GATM: variants seen among roughly 807,000 people sequenced by gnomAD.
The protein encoded by GATM is glycine amidinotransferase, mitochondrial.
A neutral mutation model predicts 54.2 loss-of-function variants in GATM; 23 were observed. The observed-to-expected ratio is 0.42, with a 90% CI of 0.31 to 0.60. The LOEUF (loss-of-function observed/expected upper bound fraction) is 0.60. Among genes scored for constraint, GATM ranks in the 20% least tolerant of loss-of-function variants. GATM has a pLI of 0.14. For missense variants in GATM, 401 were observed against 544.9 expected (o/e 0.74, Z 2.63); for synonymous variants, 168 against 183.1 (o/e 0.92, Z 0.67).
intron 8 of GATM, among the ~76,000 whole-genome samples, chr15:45,362,495 A>G (rs1320747380): frequency 6.6e-6 from 1 of 152,250 alleles, no homozygotes; most frequent in Non-Finnish European, 1.5e-5. Flanking sequence ...CCAAATGTTC[A>G]AAATGGTCAA....
intron 2 of GATM, 31 bp from the exon 3 acceptor site, chr15:45,369,552 T>C: frequency 6.3e-7 from 1 of 1,592,290 alleles, no homozygotes; most frequent in Non-Finnish European, 8.6e-7. Context: ...ACACAATACT[T>C]ACAGGAGAAA....
chr15:45,364,247 G>C, intron 7 of GATM: 1 of 525,000 alleles, frequency 1.9e-6, no homozygotes, highest in South Asian at 2.1e-5. Flanking sequence ...ATCTTGGCTG[G>C]GCATGGTATA....
chr15:45,371,460 A>G (rs1889543071), intron 2 of GATM, among the ~76,000 whole-genome samples: 1 of 152,236 alleles, frequency 6.6e-6, no homozygotes. Context: ...ACCATAAATC[A>G]GATAATTTCA....
rs545962590 is a variant in GATM, at chr15:45,365,641, G to A, written c.978+405C>T. Among the ~76,000 whole-genome samples the A allele has an allele frequency of 4.6e-5, 7 of 152,330 alleles. No homozygotes were observed. The South Asian group carries it at 1.5e-3, about 32-fold the overall frequency. On this transcript the variant is annotated intron_variant, in intron 6 of 8. Transcript: ENST00000396659. The stretch of plus-strand genomic sequence containing the variant: ...ACAGAGCAGGGTTGGCCAAAGGGAG[G>A]CTACCCCACTGTAGAGGGAATACAA...
chr15:45,397,423 T>C (rs1889947564), intron 2 of GATM: 1 of 152,124 alleles, frequency 6.6e-6, no homozygotes, highest in Admixed American at 6.5e-5. Flanking sequence ...TAATTGATCA[T>C]GCCTACGTGA....
At position 45,362,255 on chromosome 15, in the gene GATM, G is replaced by A. The variant is rs768206439; in HGVS notation, c.1160-34C>T. On this transcript the variant is annotated intron_variant, in intron 8 of 8. Transcript: ENST00000396659. ...AAAGAGAGATGAGGTCAGTTAGATG[G>A]ACTAACATGACGATTCTCATAGAGA... The A allele has an allele frequency of 1.0e-5, 13 of 1,242,352 alleles. No individual in the cohort carries two copies. The African/African-American group carries it at 1.2e-4, about 11-fold the overall frequency. 77.0% of individuals were successfully genotyped at this position (1,242,352 alleles called of 1,614,324 possible).
rs1889475741 is a variant in GATM, at chr15:45,368,007, T to C, written c.675+63A>G. The C allele has an allele frequency of 1.4e-6, 2 of 1,422,330 alleles. No homozygotes were observed. Among genetic ancestry groups the C allele is most frequent in the African/African-American group, 1.4e-5 (1 of 71,150 alleles). 88.1% of individuals were successfully genotyped at this position (1,422,330 alleles called of 1,614,324 possible). A position where few individuals can be genotyped will look rare whatever the true frequency, so the allele number is the denominator to read the frequency against. ...TATACAAGGTATCAGAGAATCTCTA[T>C]CTTACTCTTTGTGGATCATTTAGAA... On this transcript the variant is annotated intron_variant, in intron 4 of 8. Coordinates refer to ENST00000396659, the MANE Select transcript of GATM (RefSeq NM_001482.3). The surrounding 1 kb of genome is among the most constrained non-coding windows in gnomAD (Gnocchi z 5.1).
At chr15:45,399,781 G>C (rs536441334) in intron 1 of GATM, among the ~76,000 whole-genome samples, 1 of 152,320 alleles carries the variant, frequency 6.6e-6, no homozygotes. Flanking sequence ...CAATCCTGTA[G>C]CCTTCAGGCT....
intron 3 of GATM, among the ~76,000 whole-genome samples, chr15:45,386,604 T>C (rs1483103654): frequency 6.6e-6 from 1 of 152,248 alleles, no homozygotes; most frequent in Non-Finnish European, 1.5e-5. Flanking sequence ...CCTATCTCTC[T>C]GTTGTGCACT....
intron 1 of GATM, among the ~76,000 whole-genome samples, chr15:45,401,614 A>G (rs1446424583): frequency 1.3e-5 from 2 of 152,234 alleles, no homozygotes; most frequent in African/African-American, 4.8e-5. Flanking sequence ...GTAGATAGGT[A>G]TCGCCTCTAA....
intron 6 of GATM, among the ~76,000 whole-genome samples, chr15:45,365,747 T>C (rs956014419): frequency 1.3e-5 from 2 of 152,190 alleles, no homozygotes; most frequent in Non-Finnish European, 2.9e-5. Context: ...TGTTGCAAGT[T>C]ATAACACCAT....
chr15:45,373,918 C>A (rs972399497), intron 2 of GATM, among the ~76,000 whole-genome samples: 1 of 152,094 alleles, frequency 6.6e-6, no homozygotes, highest in Admixed American at 6.6e-5. Flanking sequence ...AAGAACCAGA[C>A]GAATGAAATC....
rs371447931 is a variant in GATM, at chr15:45,366,179, C to T, written c.845G>A (p.Arg282His). 9.9e-6 allele frequency: 16 copies of T among 1,613,782 alleles called. No homozygotes were observed. Among genetic ancestry groups the T allele is most frequent in the Admixed American group, 3.3e-5 (2 of 59,984 alleles). ...VTNYLGIEWMRRHLAPDYRVH... is the reference protein window; with the variant it reads ...VTNYLGIEWMHRHLAPDYRVH... ...TCTGTAGTCTGGAGCAAGATGCCTA[C>T]GCATCCATTCAATGCCTAGGTAGTT... is the stretch of plus-strand genomic sequence containing the variant. The change falls in exon 6 of 9, where the codon CGT (arginine) becomes CAT (histidine). Residue 282 changes from arginine (R) to histidine (H), a missense_variant. Around this residue, in one of 3 missense-constraint regions of GATM, gnomAD observed 321 missense variants for 457.5 expected, o/e 0.70. Coordinates refer to ENST00000396659, the MANE Select transcript of GATM (RefSeq NM_001482.3).
chr15:45,389,328 T>A (rs1889841703), intron 3 of GATM, among the ~76,000 whole-genome samples: 1 of 152,268 alleles, frequency 6.6e-6, no homozygotes. Flanking sequence ...ACGGTTGAAC[T>A]TGATGACCTC....
rs1237642686 is a variant in GATM, at chr15:45,378,489, C to G, written c.-36G>C. On this transcript the variant is annotated 5_prime_UTR_variant, in exon 1 of 9. Transcript: ENST00000396659. ...CGGCTGGTCCACGCGCGGAATGTTC[C>G]TGGCCTCTGGGCCGCGTCGGTCCAA... 4 of 1,388,476 alleles carry G rather than the reference C, an allele frequency of 2.9e-6. No individual in the cohort carries two copies. In the Admixed American group the frequency reaches 9.9e-5, roughly 34 times the overall value. The allele number at this position is 1,388,476 out of a possible 1,614,324, so 86.0% of individuals were successfully genotyped here.
At chr15:45,366,259 C>G in intron 5 of GATM, 49 bp from the exon 6 acceptor site, 1 of 1,610,534 alleles carries the variant, frequency 6.2e-7, no homozygotes, top group Admixed American at 1.7e-5. Flanking sequence ...GGTTCTATGT[C>G]TAGAAAACTA....
In GATM at chr15:45,368,649, C is replaced by CT. The variant is rs369226772; in HGVS notation, c.485-390dup. On this transcript the variant is annotated intron_variant, in intron 3 of 8. Coordinates refer to ENST00000396659, the MANE Select transcript of GATM (RefSeq NM_001482.3). The surrounding 1 kb of genome is among the most constrained non-coding windows in gnomAD (Gnocchi z 5.1). Reference sequence around the variant, plus strand: ...AAAAAATGTCTATATAATATTACCTCTTTTTTTGGTTAAAAAAATTGCTAG... The same window carrying CT: ...AAAAAATGTCTATATAATATTACCTCTTTTTTTTGGTTAAAAAAATTGCTAG... Among the ~76,000 whole-genome samples the CT allele has an allele frequency of 6.6e-6, 1 of 151,268 alleles. No individual in the cohort carries two copies. The highest frequency in any genetic ancestry group is 1.9e-4 in the East Asian group (1 of 5,166).
intron 3 of GATM, among the ~76,000 whole-genome samples, chr15:45,389,251 A>C (rs1404940901): frequency 2.0e-5 from 3 of 152,238 alleles, no homozygotes; most frequent in African/African-American, 7.2e-5. Context: ...CTTGAACAGA[A>C]TATCCTGAAC....
rs1889642821 is a variant in GATM, at chr15:45,376,714, G to A, written c.175C>T (p.Pro59Ser). 6.2e-7 allele frequency: 1 copy of A among 1,614,196 alleles called. No homozygotes were observed. Among genetic ancestry groups the A allele is most frequent in the South Asian group, 1.1e-5 (1 of 91,072 alleles). The change falls in exon 2 of 9, where the codon CCT becomes TCT. Residue 59 changes from proline to serine, a missense_variant. Pro to Ser is a moderately conservative substitution (Grantham distance 74). Transcript: ENST00000396659. ...GAGACAGGGCAGTCCTTGGGCAGAG[G>A]CTCAGTGGCTTTGTCGTCAGCTGCA... ...SCAADDKATE[P>S]LPKDCPVSSY...
Sources: allele counts gnomAD v4.1 joint callset (sites outside exome capture counted in the v4.1 genomes callset), GRCh38; gene constraint gnomAD v4.1.1; regional missense constraint gnomAD v4.1.1; non-coding constraint Gnocchi (gnomAD v3.1); transcripts MANE v1.5; gene names NCBI Gene and HGNC (gene_info 2026-07-23, HGNC 2026-07-21).